WFS1: variants seen among roughly 807,000 people sequenced by gnomAD.
WFS1 encodes wolframin.
In WFS1, 90 loss-of-function variants were observed where a neutral mutation model predicts 68.5. The observed-to-expected ratio is 1.31, with a 90% confidence interval of 1.11 to 1.56. The LOEUF is 1.56. Among genes scored for constraint, WFS1 ranks in the 40% most tolerant of loss-of-function variants. WFS1 has a pLI of 0.00. For missense variants in WFS1, 1,767 were observed against 1,232.6 expected (o/e 1.43, Z -6.49); for synonymous variants, 860 against 540.7 (o/e 1.59, Z -8.19).
In WFS1 at chr4:6,302,615, G is replaced by A. The variant is rs377653841; in HGVS notation, c.*147G>A. On this transcript the variant is annotated 3_prime_UTR_variant, in exon 8 of 8. Transcript: ENST00000226760. Reference sequence around the variant, plus strand: ...GAGACCTTGCGACCATGTGTAGATTGCGTGGACCCCGACAAAGGGAAGGCT... The same window carrying A: ...GAGACCTTGCGACCATGTGTAGATTACGTGGACCCCGACAAAGGGAAGGCT... 8.4e-6 allele frequency: 10 copies of A among 1,193,266 alleles called. No individual in the cohort carries two copies. In the African/African-American group the frequency reaches 9.3e-5, roughly 11 times the overall value. The allele number at this position is 1,193,266 out of a possible 1,614,324, so 73.9% of individuals were successfully genotyped here.
chr4:6,277,452 C>T lies in WFS1; in HGVS notation c.-4C>T, dbSNP rs746340627. The T allele has an allele frequency of 3.2e-6, 5 of 1,552,456 alleles. No homozygotes were observed. Among genetic ancestry groups the T allele is most frequent in the Non-Finnish European group, 3.5e-6 (4 of 1,147,994 alleles). ...GCCTGACCTTGACTTTTCTTCCAGG[C>T]AGGATGGACTCCAACACTGCTCCGC... On this transcript the variant is annotated splice_region_variant and 5_prime_UTR_variant, in exon 2 of 8. Transcript: ENST00000226760.
intron 6 of WFS1, among the ~76,000 whole-genome samples, chr4:6,292,747 G>A (rs1281861970): frequency 6.6e-6 from 1 of 152,194 alleles, no homozygotes; most frequent in Non-Finnish European, 1.5e-5. Context: ...GACTCTTCTT[G>A]TGACATGGGC....
At chr4:6,295,841 C>T (rs912854428) in intron 7 of WFS1, among the ~76,000 whole-genome samples, 1 of 152,148 alleles carries the variant, frequency 6.6e-6, no homozygotes, top group Non-Finnish European at 1.5e-5. Flanking sequence ...CCATGTGGCC[C>T]TATGGCCTCT....
chr4:6,291,046 C>T (rs1177601173), intron 4 of WFS1, 151 bp from the exon 5 acceptor site: 9 of 667,400 alleles, frequency 1.3e-5, no homozygotes, highest in African/African-American at 2.3e-5. Context: ...CCTCTTGAGT[C>T]AGATGTCCAT....
chr4:6,291,980 G>T lies in WFS1; in HGVS notation c.695G>T (p.Arg232Leu). The change falls in exon 6 of 8, where the codon CGC (arginine) becomes CTC (leucine). Residue 232 changes from arginine (R) to leucine (L), a missense_variant. Transcript: ENST00000226760. ...CAGAAGCAGAGGCGCATGCTGGAGCGCCTGGTCAGCAGCGAGTGTGAGTGC... is the reference window on the plus strand; with the variant it reads ...CAGAAGCAGAGGCGCATGCTGGAGCTCCTGGTCAGCAGCGAGTGTGAGTGC... ...SLQKQRRMLE[R>L]LVSSESKNYI... 2.5e-6 allele frequency: 4 copies of T among 1,608,552 alleles called. No individual in the cohort carries two copies. Among genetic ancestry groups the T allele is most frequent in the Non-Finnish European group, 3.4e-6 (4 of 1,178,454 alleles).
At chr4:6,296,823 CTATT>C (rs1328414023) in intron 7 of WFS1, among the ~76,000 whole-genome samples, 2 of 152,184 alleles carry the variant, frequency 1.3e-5, no homozygotes, top group Non-Finnish European at 1.5e-5. Context: ...TCTGAAAATC[CTATT>C]TATTTATGTT....
intron 2 of WFS1, among the ~76,000 whole-genome samples, chr4:6,282,250 G>A (rs1383481185): frequency 6.6e-6 from 1 of 152,274 alleles, no homozygotes; most frequent in Admixed American, 6.5e-5. Context: ...CACAGAGGCT[G>A]ATGGGATGCC....
intron 2 of WFS1, among the ~76,000 whole-genome samples, chr4:6,277,893 G>A (rs1560402080): frequency 1.3e-5 from 2 of 152,250 alleles, no homozygotes; most frequent in African/African-American, 2.4e-5. Flanking sequence ...GCACCCACTC[G>A]AGGTGGTGCT....
intron 1 of WFS1, among the ~76,000 whole-genome samples, chr4:6,274,987 A>C (rs1216307052): frequency 2.0e-5 from 3 of 152,088 alleles, no homozygotes; most frequent in Non-Finnish European, 4.4e-5. Context: ...CTGTCTGTGA[A>C]GTGGGGTGAG....
At chr4:6,277,284 G>A (rs1730021958) in intron 1 of WFS1, among the ~76,000 whole-genome samples, 167 bp from the exon 2 acceptor site, 1 of 152,236 alleles carries the variant, frequency 6.6e-6, no homozygotes, top group African/African-American at 2.4e-5. Context: ...TTCCTCCCTG[G>A]AAGCGGTGCT....
Position 6,302,380 on chromosome 4 carries a change from A to G in WFS1, c.2585A>G (p.Lys862Arg), listed in dbSNP as rs1342496193. 1 of 1,613,146 alleles carries G rather than the reference A, an allele frequency of 6.2e-7. No individual in the cohort carries two copies. Among genetic ancestry groups the G allele is most frequent in the Non-Finnish European group, 8.5e-7 (1 of 1,179,970 alleles). The change falls in exon 8 of 8, where the codon AAG becomes AGG. Residue 862 changes from lysine (K) to arginine (R), a missense_variant. Transcript: ENST00000226760. ...CTCTCACCCACCAGGCGGCACGTGA[A>G]GATCGAGCACGACTGGCGCAGCACC... ...AQLSPTRRHV[K>R]IEHDWRSTVH...
chr4:6,271,487 C>T (rs1007924592), intron 1 of WFS1, among the ~76,000 whole-genome samples: 6 of 152,180 alleles, frequency 3.9e-5, no homozygotes, highest in Non-Finnish European at 7.4e-5. Flanking sequence ...CAGACAGACC[C>T]GAAACACCCA....
Position 6,277,570 on chromosome 4 carries a change from G to T in WFS1, c.115G>T (p.Glu39Ter), listed in dbSNP as rs774330485. The change falls in exon 2 of 8, where the codon GAA (glutamate) becomes TAA (stop). Residue 39 changes from glutamate to a stop codon, truncating the protein, a stop_gained. Coordinates refer to ENST00000226760, the MANE Select transcript of WFS1 (RefSeq NM_006005.3). LOFTEE classifies it high-confidence loss of function. The part of the protein sequence containing the change: ...ATASLEQERS[E>*]RPRAPGPQAG... ...AGCCTCGTTGGAGCAGGAGAGGAGC[G>T]AAAGGCCCCGAGCACCCGGACCCCA... 6.3e-7 allele frequency: 1 copy of T among 1,586,222 alleles called. No homozygotes were observed. The highest frequency in any genetic ancestry group is 1.2e-5 in the South Asian group (1 of 86,742).
intron 7 of WFS1, among the ~76,000 whole-genome samples, chr4:6,298,971 C>G (rs1167170424): frequency 7.9e-5 from 12 of 152,356 alleles, no homozygotes; most frequent in Non-Finnish European, 2.9e-5. Flanking sequence ...CCTGGACATG[C>G]AGCCAGGCTT....
intron 6 of WFS1, among the ~76,000 whole-genome samples, chr4:6,293,810 T>G (rs1443328918): frequency 6.6e-6 from 1 of 152,170 alleles, no homozygotes; most frequent in Non-Finnish European, 1.5e-5. Flanking sequence ...GTGGGTGGCA[T>G]TGGTGACCAC....
chr4:6,288,446 T>C (rs538124067), intron 3 of WFS1: 1 of 204,084 alleles, frequency 4.9e-6, no homozygotes, highest in South Asian at 9.7e-5. Context: ...TTCTGGACTC[T>C]GCGCAATCTC....
At chr4:6,273,674 T>A (rs1295719727) in intron 1 of WFS1, among the ~76,000 whole-genome samples, 1 of 152,244 alleles carries the variant, frequency 6.6e-6, no homozygotes, top group Admixed American at 6.5e-5. Context: ...GGCTGTAACA[T>A]GCAGGAAGAC....
At chr4:6,273,900 G>GTT (rs201652752) in intron 1 of WFS1, among the ~76,000 whole-genome samples, 1 of 151,690 alleles carries the variant, frequency 6.6e-6, no homozygotes, top group African/African-American at 2.4e-5. Context: ...ACTTTAAACA[G>GTT]TTTTTTTTTA....
rs954323842 is a variant in WFS1, at chr4:6,287,980, G to A, written c.315+805G>A. 6.6e-6 allele frequency among the ~76,000 whole-genome samples: 1 copy of A among 152,332 alleles called. No homozygotes were observed. The highest frequency in any genetic ancestry group is 1.5e-5 in the Non-Finnish European group (1 of 68,034). On this transcript the variant is annotated intron_variant, in intron 3 of 7. Transcript: ENST00000226760. This position sits in a 1 kb window ranked among gnomAD's most constrained non-coding sequence, Gnocchi z 6.4. ...GCCTGTAATCCCAGCACTTTGGGAGGCTGAGGCGGGTGGATCACCTGAGGT... is the reference window on the plus strand; with the variant it reads ...GCCTGTAATCCCAGCACTTTGGGAGACTGAGGCGGGTGGATCACCTGAGGT...
Sources: gnomAD v4.1 joint callset for allele counts (sites outside exome capture counted in the v4.1 genomes callset) on GRCh38, gnomAD v4.1.1 for gene constraint, Gnocchi (gnomAD v3.1) non-coding constraint, MANE v1.5 for transcripts, NCBI Gene and HGNC (gene_info 2026-07-23, HGNC 2026-07-21) for gene names.